CAB39: variants seen among roughly 807,000 people sequenced by gnomAD.
CAB39 encodes the protein calcium binding protein 39.
Under a neutral mutation model 40.0 loss-of-function variants are expected in CAB39, and 8 were observed. The ratio of observed to expected loss-of-function variants is 0.20; its 90% CI spans 0.12 to 0.36. The LOEUF (loss-of-function observed/expected upper bound fraction) is 0.36. Among genes scored for constraint, CAB39 ranks in the 10% least tolerant of loss-of-function variants. The pLI, the probability that CAB39 is intolerant of heterozygous loss-of-function variation, is 1.00. For missense variants in CAB39, 270 were observed against 401.1 expected (o/e 0.67, Z 2.79); for synonymous variants, 156 against 141.6 (o/e 1.10, Z -0.72).
intron 1 of CAB39, among the ~76,000 whole-genome samples, chr2:230,715,861 C>T (rs571994678): frequency 2.6e-5 from 4 of 152,146 alleles, no homozygotes; most frequent in Non-Finnish European, 4.4e-5. Context: ...CCATCACATC[C>T]GGCTAATTTT....
intron 1 of CAB39, among the ~76,000 whole-genome samples, chr2:230,720,078 TAGTA>T (rs1283104997): frequency 6.6e-6 from 1 of 152,222 alleles, no homozygotes. Context: ...AGTACAAGCT[TAGTA>T]AGTCAGTCTA....
rs111233342 is a variant in CAB39, at chr2:230,813,055, C to T, written c.628-994C>T. On this transcript the variant is annotated intron_variant, in intron 6 of 8. Coordinates refer to ENST00000258418, the MANE Select transcript of CAB39 (RefSeq NM_016289.4). ...GACAGATGACAAAGCAGGCATCCCC[C>T]GGCACTCGCGATGACCAAAGGAAAG... 9.1e-3 allele frequency among the ~76,000 whole-genome samples: 1,392 copies of T among 152,250 alleles called. 22 individuals are homozygous for T. Among genetic ancestry groups the T allele is most frequent in the African/African-American group, 0.03 (1,244 of 41,546 alleles).
Position 230,818,682 on chromosome 2 carries a change from G to C in CAB39, c.1004G>C (p.Arg335Thr). Reference sequence around the variant, plus strand: ...GTTAAACAGATCAGGGATTTGAAGAGACCAGCTCAGCAAGAAGCTTAATCT... The same window carrying C: ...GTTAAACAGATCAGGGATTTGAAGACACCAGCTCAGCAAGAAGCTTAATCT... ...YLVKQIRDLK[R>T]PAQQEA The change falls in exon 9 of 9, where the codon AGA becomes ACA. Residue 335 changes from arginine to threonine, a missense_variant. Arg to Thr is a moderately conservative substitution (Grantham distance 71). Transcript: ENST00000258418. The C allele has an allele frequency of 6.2e-7, 1 of 1,613,486 alleles. No individual in the cohort carries two copies. Among genetic ancestry groups the C allele is most frequent in the Non-Finnish European group, 8.5e-7 (1 of 1,179,728 alleles).
rs1488651414 is a variant in CAB39, at chr2:230,819,016, G to A, written c.*312G>A. The A allele has an allele frequency of 1.1e-5, 3 of 263,634 alleles. No homozygotes were observed. Among genetic ancestry groups the A allele is most frequent in the Non-Finnish European group, 1.5e-5 (2 of 134,432 alleles). The allele number at this position is 263,634 out of a possible 1,614,324, so 16.3% of individuals were successfully genotyped here. ...GATGAGAGTGTGGTTTAGGAAAGAG[G>A]GCACTGATATCAGATTAGACCTATG... On this transcript the variant is annotated 3_prime_UTR_variant, in exon 9 of 9. Transcript: ENST00000258418.
At chr2:230,767,040 C>G (rs1359455663) in intron 2 of CAB39, among the ~76,000 whole-genome samples, 1 of 152,192 alleles carries the variant, frequency 6.6e-6, no homozygotes, top group Non-Finnish European at 1.5e-5. Flanking sequence ...CAAGAATTAC[C>G]TGGCCTATGT....
chr2:230,725,994 T>G (rs1323681823), intron 1 of CAB39, among the ~76,000 whole-genome samples: 1 of 152,224 alleles, frequency 6.6e-6, no homozygotes, highest in Non-Finnish European at 1.5e-5. Context: ...ATTTCCTTTT[T>G]TAGTAGGATT....
intron 2 of CAB39, among the ~76,000 whole-genome samples, chr2:230,767,012 G>A (rs1422496787): frequency 6.6e-6 from 1 of 152,196 alleles, no homozygotes. Context: ...GAAAGCTCAA[G>A]GATGTTGTTC....
chr2:230,782,680 CTTTGAAAACCCTTTA>C (rs1436838958), intron 2 of CAB39, among the ~76,000 whole-genome samples: 1 of 152,076 alleles, frequency 6.6e-6, no homozygotes, highest in African/African-American at 2.4e-5. Context: ...CAAACTTAAC[CTTTGAAAACCCTTTA>C]ATTGTCCATA....
intron 2 of CAB39, among the ~76,000 whole-genome samples, chr2:230,777,689 G>A (rs1022645096): frequency 6.6e-6 from 1 of 152,082 alleles, no homozygotes; most frequent in Non-Finnish European, 1.5e-5. Context: ...GATTACAGGT[G>A]TGAGCCACCA....
At chr2:230,800,083 C>A (rs993137471) in intron 5 of CAB39, among the ~76,000 whole-genome samples, 1 of 151,960 alleles carries the variant, frequency 6.6e-6, no homozygotes, top group Non-Finnish European at 1.5e-5. Flanking sequence ...GATATGCAGA[C>A]GACCATGCTC....
chr2:230,746,532 T>C (rs1010336547), intron 1 of CAB39, among the ~76,000 whole-genome samples: 2 of 152,236 alleles, frequency 1.3e-5, no homozygotes, highest in African/African-American at 4.8e-5. Context: ...CATCACACTT[T>C]AGTCACAATA....
At chr2:230,773,730 A>T (rs1695533685) in intron 2 of CAB39, among the ~76,000 whole-genome samples, 1 of 152,148 alleles carries the variant, frequency 6.6e-6, no homozygotes, top group African/African-American at 2.4e-5. Flanking sequence ...TCTTAGTAAA[A>T]TGTATTTGGG....
Position 230,782,814 on chromosome 2 carries a change from T to TTTTTTTC in CAB39, c.115-8052_115-8051insCTTTTTT, listed in dbSNP as rs1695714560. 7.7e-5 allele frequency among the ~76,000 whole-genome samples: 6 copies of TTTTTTTC among 77,892 alleles called. 2 individuals are homozygous for TTTTTTTC. The highest frequency in any genetic ancestry group is 3.4e-4 in the African/African-American group (6 of 17,704). The allele number at this position is 77,892 out of a possible 152,430, so 51.1% of individuals were successfully genotyped here. A position where few individuals can be genotyped will look rare whatever the true frequency, so the allele number is the denominator to read the frequency against. Reference sequence around the variant, plus strand: ...GTTTCTTTCTTTCTTTCTTTCTTTCTTTTTTTTTTTTTTTTTTTGAGAAGA... The same window carrying TTTTTTTC: ...GTTTCTTTCTTTCTTTCTTTCTTTCTTTTTTTCTTTTTTTTTTTTTTTTTTGAGAAGA... On this transcript the variant is annotated intron_variant, in intron 2 of 8. Coordinates refer to ENST00000258418, the MANE Select transcript of CAB39 (RefSeq NM_016289.4).
chr2:230,747,040 T>G (rs755518353), intron 1 of CAB39, among the ~76,000 whole-genome samples: 2 of 152,188 alleles, frequency 1.3e-5, no homozygotes, highest in Non-Finnish European at 2.9e-5. Flanking sequence ...GAGATCTTTA[T>G]GGAGCAGCTG....
At chr2:230,777,867 T>A (rs940742094) in intron 2 of CAB39, among the ~76,000 whole-genome samples, 1 of 152,202 alleles carries the variant, frequency 6.6e-6, no homozygotes, top group Non-Finnish European at 1.5e-5. Flanking sequence ...TAGGGTAAAT[T>A]CCTGAAAGTA....
At chr2:230,725,178 C>T in intron 1 of CAB39, 1 of 1,612,602 alleles carries the variant, frequency 6.2e-7, no homozygotes, top group East Asian at 2.2e-5. Flanking sequence ...CGAAGGCAGT[C>T]CCGGGACTGC....
chr2:230,796,624 C>T (rs2124963860), intron 4 of CAB39, among the ~76,000 whole-genome samples: 1 of 152,104 alleles, frequency 6.6e-6, no homozygotes, highest in East Asian at 1.9e-4. Flanking sequence ...TAGCTGCATG[C>T]CTCCACTGAT....
At chr2:230,740,413 A>G (rs1362596756) in intron 1 of CAB39, among the ~76,000 whole-genome samples, 3 of 152,226 alleles carry the variant, frequency 2.0e-5, no homozygotes, top group Non-Finnish European at 2.9e-5. Context: ...CATACTACAT[A>G]CTGAGTCTAA....
chr2:230,820,346 C>T lies in CAB39; in HGVS notation c.*1642C>T, dbSNP rs1184374704. 6.6e-6 allele frequency: 1 copy of T among 152,094 alleles called. No individual in the cohort carries two copies. Among genetic ancestry groups the T allele is most frequent in the Admixed American group, 6.5e-5 (1 of 15,270 alleles). 9.4% of individuals were successfully genotyped at this position (152,094 alleles called of 1,614,324 possible). A position where few individuals can be genotyped will look rare whatever the true frequency, so the allele number is the denominator to read the frequency against. On this transcript the variant is annotated 3_prime_UTR_variant, in exon 9 of 9. Coordinates refer to ENST00000258418, the MANE Select transcript of CAB39 (RefSeq NM_016289.4). ...GCAGGTTTTAAACCTTCAGGAACAC[C>T]AGTTAGGAAAATAGCTCCAGAAAAT...
Sources: gnomAD v4.1 joint callset for allele counts (sites outside exome capture counted in the v4.1 genomes callset) on GRCh38, gnomAD v4.1.1 for gene constraint, MANE v1.5 for transcripts, NCBI Gene and HGNC (gene_info 2026-07-23, HGNC 2026-07-21) for gene names.